The following LDB3 variants were observed in gnomAD, a reference collection of about 807,000 sequenced individuals.
LDB3 encodes the protein LIM domain-binding protein 3.
Under a neutral mutation model 69.0 loss-of-function variants are expected in LDB3, and 49 were observed. The observed-to-expected ratio is 0.71, with a 90% CI of 0.56 to 0.90. LDB3 has a LOEUF of 0.90. Among genes scored for constraint, LDB3 ranks in the 40% least tolerant of loss-of-function variants. LDB3 has a pLI of 0.00. For missense variants in LDB3, 928 were observed against 974.1 expected (o/e 0.95, Z 0.63); for synonymous variants, 387 against 396.2 (o/e 0.98, Z 0.28).
chr10:86,681,323 G>A (rs1589621978), intron 4 of LDB3, 113 bp from the exon 5 acceptor site: 11 of 1,510,546 alleles, frequency 7.3e-6, no homozygotes, highest in East Asian at 6.8e-5. Context: ...CTGGGCTTCA[G>A]GCTGCGGGGC....
intron 6 of LDB3, 92 bp from the exon 7 acceptor site, chr10:86,692,443 T>C: frequency 1.5e-6 from 2 of 1,311,360 alleles, no homozygotes; most frequent in Non-Finnish European, 2.2e-6. Flanking sequence ...GGGGCCTGGC[T>C]GAATCCTGGG....
chr10:86,678,795 C>T (rs1449780379), intron 2 of LDB3, among the ~76,000 whole-genome samples: 1 of 152,126 alleles, frequency 6.6e-6, no homozygotes, highest in African/African-American at 2.4e-5. Context: ...TGCACCACCA[C>T]ACCCTGCCAA....
At chr10:86,676,436 G>A (rs1399406991) in intron 2 of LDB3, among the ~76,000 whole-genome samples, 3 of 152,006 alleles carry the variant, frequency 2.0e-5, no homozygotes, top group Non-Finnish European at 2.9e-5. Context: ...GGTGGCATGC[G>A]CTTGTGGTCT....
upstream of LDB3, chr10:86,666,888 C>A (rs1294663119): frequency 6.4e-6 from 3 of 469,056 alleles, no homozygotes; most frequent in Non-Finnish European, 8.8e-6. Flanking sequence ...AGGGTGGGTG[C>A]CTTCCTTCTC....
At chr10:86,730,641 G>T (rs74150399) in intron 13 of LDB3, among the ~76,000 whole-genome samples, 9,457 of 152,296 alleles carry the variant, frequency 0.062, 974 homozygotes, top group African/African-American at 0.21. Context: ...ACTTAAGGAA[G>T]ACGTATGGGC....
chr10:86,667,970 G>C (rs954092828), upstream of LDB3, among the ~76,000 whole-genome samples: 2 of 152,262 alleles, frequency 1.3e-5, no homozygotes, highest in South Asian at 4.1e-4. Context: ...TGTCTCCTGC[G>C]GGCCCAGGTG....
At chr10:86,669,691 A>G (rs1844351384) in intron 2 of LDB3, among the ~76,000 whole-genome samples, 2 of 152,240 alleles carry the variant, frequency 1.3e-5, no homozygotes, top group Admixed American at 6.5e-5. Flanking sequence ...TGAAGGCCCC[A>G]AGGCTCAGGG....
chr10:86,679,347 C>G lies in LDB3; in HGVS notation c.94-20C>G, dbSNP rs779928559. 3 of 1,613,994 alleles carry G rather than the reference C, an allele frequency of 1.9e-6. No homozygotes were observed. Among genetic ancestry groups the G allele is most frequent in the African/African-American group, 1.3e-5 (1 of 74,932 alleles). On this transcript the variant is annotated intron_variant, in intron 2 of 13. Transcript: ENST00000361373. The stretch of plus-strand genomic sequence containing the variant: ...GACCACCTTCCTTATGCTCACCCCC[C>G]ACCTCCACTATCCAATCAGATCACA...
intron 7 of LDB3, among the ~76,000 whole-genome samples, chr10:86,703,387 T>G (rs903182430): frequency 3.3e-5 from 5 of 151,992 alleles, no homozygotes; most frequent in African/African-American, 1.2e-4. Context: ...AGAAGCGAGG[T>G]TCTTTCATAG....
intron 12 of LDB3, among the ~76,000 whole-genome samples, chr10:86,719,627 G>A (rs1304389491): frequency 6.6e-6 from 1 of 152,158 alleles, no homozygotes; most frequent in Admixed American, 6.5e-5. Flanking sequence ...CAGAGCTGTG[G>A]TGAGGATTAA....
chr10:86,721,787 T>G (rs1847091958), intron 12 of LDB3, among the ~76,000 whole-genome samples: 1 of 152,264 alleles, frequency 6.6e-6, no homozygotes, highest in Non-Finnish European at 1.5e-5. Flanking sequence ...AAACCCTCCA[T>G]GTGCTTCTGA....
At chr10:86,728,592 T>TTTTTTGTTTTTTTTG (rs1589687505) in intron 13 of LDB3, among the ~76,000 whole-genome samples, 1 of 149,704 alleles carries the variant, frequency 6.7e-6, no homozygotes, top group Non-Finnish European at 1.5e-5. Flanking sequence ...TTTTGTTTTT[T>TTTTTTGTTTTTTTTG]TTTTTTTTTG....
intron 7 of LDB3, among the ~76,000 whole-genome samples, chr10:86,701,305 C>T (rs565035829): frequency 1.0e-3 from 153 of 152,298 alleles, no homozygotes; most frequent in Non-Finnish European, 8.7e-4. Context: ...AATGGGTATC[C>T]TGAGGCTGGC....
At chr10:86,709,387 G>A (rs1846555579) in intron 8 of LDB3, among the ~76,000 whole-genome samples, 1 of 152,168 alleles carries the variant, frequency 6.6e-6, no homozygotes, top group Non-Finnish European at 1.5e-5. Flanking sequence ...GGGGGAGAGG[G>A]GGGTGCCTTG....
chr10:86,701,349 T>C (rs1846256787), intron 7 of LDB3, among the ~76,000 whole-genome samples: 1 of 152,186 alleles, frequency 6.6e-6, no homozygotes, highest in Non-Finnish European at 1.5e-5. Context: ...GTTGGCGGGC[T>C]CTTGGACCCC....
Position 86,696,195 on chromosome 10 carries a change from G to A in LDB3, c.896+3624G>A, listed in dbSNP as rs540880552. 3.4e-4 allele frequency among the ~76,000 whole-genome samples: 52 copies of A among 151,328 alleles called. 1 individual carries two copies. The South Asian group carries it at 4.8e-3, about 14-fold the overall frequency. ...ATGCCCCCTTCCCTCCCTCTGCTGC[G>A]CAGTCTCTCAGTTTTGCCCCCCCTG... On this transcript the variant is annotated intron_variant, in intron 7 of 13. Transcript: ENST00000361373.
At chr10:86,722,819 G>C (rs556899541) in intron 12 of LDB3, among the ~76,000 whole-genome samples, 1 of 151,010 alleles carries the variant, frequency 6.6e-6, no homozygotes, top group Non-Finnish European at 1.5e-5. Flanking sequence ...TACCTGCCTC[G>C]ACCTCCCAAA....
At chr10:86,687,220 A>T in intron 5 of LDB3, 1 of 1,613,954 alleles carries the variant, frequency 6.2e-7, no homozygotes, top group Non-Finnish European at 8.5e-7. Flanking sequence ...CCAGGATGCC[A>T]TCATGGATGC....
chr10:86,730,098 C>T (rs1461152380), intron 13 of LDB3, among the ~76,000 whole-genome samples: 1 of 141,396 alleles, frequency 7.1e-6, no homozygotes, highest in East Asian at 3.0e-4. Flanking sequence ...CATTGGCTCC[C>T]AGAACCCAAT....
Sources: gnomAD v4.1 joint callset for allele counts (sites outside exome capture counted in the v4.1 genomes callset) on GRCh38, gnomAD v4.1.1 for gene constraint, MANE v1.5 for transcripts, NCBI Gene and HGNC (gene_info 2026-07-23, HGNC 2026-07-21) for gene names.